Variants in TMTC1 observed in about 807,000 individuals in gnomAD.
The protein encoded by TMTC1 is transmembrane O-mannosyltransferase targeting cadherins 1.
A neutral mutation model predicts 104.8 loss-of-function variants in TMTC1; 73 were observed. That is an observed-to-expected ratio of 0.70 (90% CI 0.58 to 0.85). The LOEUF (loss-of-function observed/expected upper bound fraction) is 0.85, where lower values mean the gene tolerates loss of function less well. Among genes scored for constraint, TMTC1 ranks in the 40% least tolerant of loss-of-function variants. TMTC1 has a pLI of 0.00. For synonymous variants in TMTC1, 434 were observed against 428.7 expected (o/e 1.01, Z -0.15); for missense variants, 1,035 against 1,096.1 (o/e 0.94, Z 0.79).
At chr12:29,586,689 T>A (rs901034193) in intron 7 of TMTC1, among the ~76,000 whole-genome samples, 1 of 149,794 alleles carries the variant, frequency 6.7e-6, no homozygotes, top group Admixed American at 6.6e-5. Flanking sequence ...TCTATTGAGA[T>A]AATCATGTGG....
At position 29,763,113 on chromosome 12, in the gene TMTC1, T is replaced by C. The variant is rs144921558; in HGVS notation, c.481-4336A>G. On this transcript the variant is annotated intron_variant, in intron 2 of 17. Transcript: ENST00000539277. ...CAATCACAAGCTAGACAAGCTTAAC[T>C]AATGTGTTAAAGGCGTCCTGCAGCC... 1.2e-3 allele frequency among the ~76,000 whole-genome samples: 189 copies of C among 152,346 alleles called. 1 individual carries two copies. Among genetic ancestry groups the C allele is most frequent in the African/African-American group, 4.3e-3 (178 of 41,590 alleles).
chr12:29,558,401 A>C (rs563940730), intron 9 of TMTC1, among the ~76,000 whole-genome samples: 35 of 152,358 alleles, frequency 2.3e-4, no homozygotes, highest in Non-Finnish European at 4.4e-4. Flanking sequence ...TCCTATTAAA[A>C]GGACAGGGAA....
Position 29,654,249 on chromosome 12 carries a change from A to G in TMTC1, c.939-20913T>C, listed in dbSNP as rs138488572. 2.0e-5 allele frequency among the ~76,000 whole-genome samples: 3 copies of G among 152,336 alleles called. No individual in the cohort carries two copies. In the East Asian group the frequency reaches 5.8e-4, roughly 29 times the overall value. ...AAGAAAAATGTTACAACTTGGAAAT[A>G]AAAAGACAAACAACCCAATTAAAAA... is the stretch of plus-strand genomic sequence containing the variant. On this transcript the variant is annotated intron_variant, in intron 5 of 17. Transcript: ENST00000539277.
intron 5 of TMTC1, among the ~76,000 whole-genome samples, chr12:29,635,099 A>G (rs1407141177): frequency 6.6e-6 from 1 of 152,074 alleles, no homozygotes; most frequent in African/African-American, 2.4e-5. Flanking sequence ...CTCTGTTGTA[A>G]TTTTTAACTA....
chr12:29,783,248 C>T lies in TMTC1; in HGVS notation c.302+202G>A, dbSNP rs1253459817. ...TCCCAACTCCCCAGCCGGCGCCTCC[C>T]GAACCGCCCCGAGAGCCCAGATTAG... On this transcript the variant is annotated intron_variant, in intron 1 of 17. Coordinates refer to ENST00000539277, the MANE Select transcript of TMTC1 (RefSeq NM_001193451.2). This position sits in a 1 kb window ranked among gnomAD's most constrained non-coding sequence, Gnocchi z 4.7. Among the ~76,000 whole-genome samples the T allele has an allele frequency of 6.6e-6, 1 of 152,140 alleles. No homozygotes were observed. The highest frequency in any genetic ancestry group is 1.5e-5 in the Non-Finnish European group (1 of 68,024).
intron 1 of TMTC1, among the ~76,000 whole-genome samples, chr12:29,774,912 G>A (rs1452121101): frequency 1.3e-5 from 2 of 152,170 alleles, no homozygotes; most frequent in Non-Finnish European, 2.9e-5. Flanking sequence ...CAAAATTCAT[G>A]GCTTTGATTT....
chr12:29,756,800 T>C lies in TMTC1; in HGVS notation c.555-915A>G, dbSNP rs572970604. ...CTTCTCCTTAGTGTTCTTAGAACAA[T>C]TGCATAACATTATATGCAGAATTTG... On this transcript the variant is annotated intron_variant, in intron 3 of 17. Transcript: ENST00000539277. Among the ~76,000 whole-genome samples the C allele has an allele frequency of 4.8e-4, 73 of 152,320 alleles. No individual in the cohort carries two copies. In the South Asian group the frequency reaches 9.7e-3, roughly 20 times the overall value.
intron 5 of TMTC1, among the ~76,000 whole-genome samples, chr12:29,724,369 T>C (rs1342607595): frequency 6.6e-6 from 1 of 152,182 alleles, no homozygotes; most frequent in Non-Finnish European, 1.5e-5. Flanking sequence ...AAGATACACA[T>C]GCCCTATGAC....
At chr12:29,707,496 G>C (rs10492313) in intron 5 of TMTC1, among the ~76,000 whole-genome samples, 10,877 of 152,162 alleles carry the variant, frequency 0.071, 447 homozygotes, top group Middle Eastern at 0.15. Context: ...ACAAAGTCCA[G>C]AGTGTTACAA....
intron 6 of TMTC1, among the ~76,000 whole-genome samples, chr12:29,616,686 A>AC (rs1031390237): frequency 7.9e-5 from 12 of 151,932 alleles, no homozygotes; most frequent in African/African-American, 2.9e-4. Context: ...AAAAAAAAAA[A>AC]AAAACATTTT....
intron 8 of TMTC1, among the ~76,000 whole-genome samples, chr12:29,579,336 A>G (rs1265041095): frequency 6.6e-6 from 1 of 152,222 alleles, no homozygotes; most frequent in Non-Finnish European, 1.5e-5. Context: ...TAGTTGCAAA[A>G]GAGACTGTAT....
chr12:29,740,878 C>A (rs1004606453), intron 5 of TMTC1, among the ~76,000 whole-genome samples: 1 of 152,240 alleles, frequency 6.6e-6, no homozygotes, highest in Admixed American at 6.5e-5. Context: ...ATGTTTTGAC[C>A]TTGCCAGTTC....
chr12:29,623,122 G>C (rs1215619672), intron 6 of TMTC1, among the ~76,000 whole-genome samples: 3 of 152,150 alleles, frequency 2.0e-5, no homozygotes, highest in Admixed American at 2.0e-4. Context: ...TCTGCAATGT[G>C]TAATGGTGTC....
chr12:29,507,336 C>A (rs1227170606), intron 17 of TMTC1, among the ~76,000 whole-genome samples: 1 of 152,042 alleles, frequency 6.6e-6, no homozygotes, highest in Non-Finnish European at 1.5e-5. Flanking sequence ...GCACAAAATT[C>A]ATGTTAGGGG....
intron 5 of TMTC1, among the ~76,000 whole-genome samples, chr12:29,637,540 G>T (rs1938618903): frequency 6.6e-6 from 1 of 152,172 alleles, no homozygotes; most frequent in South Asian, 2.1e-4. Flanking sequence ...AAAGAGTAAA[G>T]AGGTTTCATG....
intron 8 of TMTC1, among the ~76,000 whole-genome samples, chr12:29,574,273 C>G (rs1194588011): frequency 6.6e-6 from 1 of 152,072 alleles, no homozygotes; most frequent in Non-Finnish European, 1.5e-5. Flanking sequence ...CAAAATAAAT[C>G]ATTACAAAAA....
At chr12:29,555,996 C>T (rs546926115) in intron 10 of TMTC1, among the ~76,000 whole-genome samples, 14 of 152,114 alleles carry the variant, frequency 9.2e-5, no homozygotes, top group South Asian at 2.1e-4. Context: ...CATATTATTA[C>T]GCTCCAATTC....
chr12:29,754,493 T>C (rs775439997), intron 4 of TMTC1, among the ~76,000 whole-genome samples: 1 of 152,138 alleles, frequency 6.6e-6, no homozygotes, highest in African/African-American at 2.4e-5. Flanking sequence ...CAGTGAGGCA[T>C]AGCAGAAAGA....
At chr12:29,733,363 G>T (rs1348661721) in intron 5 of TMTC1, among the ~76,000 whole-genome samples, 1 of 152,146 alleles carries the variant, frequency 6.6e-6, no homozygotes, top group African/African-American at 2.4e-5. Context: ...AACTGCGTGG[G>T]TCAGACCCAG....
Sources: allele counts gnomAD v4.1 joint callset (sites outside exome capture counted in the v4.1 genomes callset), GRCh38; gene constraint gnomAD v4.1.1; non-coding constraint Gnocchi (gnomAD v3.1); transcripts MANE v1.5; gene names NCBI Gene and HGNC (gene_info 2026-07-23, HGNC 2026-07-21).